XPO7: variants seen among roughly 807,000 people sequenced by gnomAD.
XPO7 encodes exportin-7.
Under a neutral mutation model 144.3 loss-of-function variants are expected in XPO7, and 21 were observed. The ratio of observed to expected loss-of-function variants is 0.15; its 90% CI spans 0.10 to 0.21. The LOEUF is 0.21. Among genes scored for constraint, XPO7 ranks in the 10% least tolerant of loss-of-function variants. The pLI, the probability that XPO7 is intolerant of heterozygous loss-of-function variation, is 1.00. For missense variants in XPO7, 808 were observed against 1,325.8 expected (o/e 0.61, Z 6.06); for synonymous variants, 580 against 499.6 (o/e 1.16, Z -2.15).
intron 1 of XPO7, among the ~76,000 whole-genome samples, chr8:21,945,433 A>T (rs1379465729): frequency 6.6e-6 from 1 of 152,244 alleles, no homozygotes. Context: ...GACAAGATAA[A>T]ATTTTATACA....
chr8:22,005,541 C>T lies in XPO7; in HGVS notation c.*453C>T, dbSNP rs1585490944. On this transcript the variant is annotated 3_prime_UTR_variant, in exon 28 of 28. Transcript: ENST00000252512. Reference sequence around the variant, plus strand: ...ATGCTGATGTGAGGGGTTGTGTATGCGAGTGAAGAAAATGTGTATTCTGGT... The same window carrying T: ...ATGCTGATGTGAGGGGTTGTGTATGTGAGTGAAGAAAATGTGTATTCTGGT... The T allele has an allele frequency of 6.5e-6, 1 of 152,864 alleles. No homozygotes were observed. Among genetic ancestry groups the T allele is most frequent in the Non-Finnish European group, 1.5e-5 (1 of 68,254 alleles). The allele number at this position is 152,864 out of a possible 1,614,324, so 9.5% of individuals were successfully genotyped here. A position where few individuals can be genotyped will look rare whatever the true frequency, so the allele number is the denominator to read the frequency against.
chr8:21,920,696 A>G (rs1810251667), intron 1 of XPO7, among the ~76,000 whole-genome samples: 1 of 152,188 alleles, frequency 6.6e-6, no homozygotes, highest in Non-Finnish European at 1.5e-5. Context: ...CAAACTAGAT[A>G]AAGTTTTTCC....
At chr8:21,994,333 A>G (rs764684523) in intron 19 of XPO7, 30 bp from the exon 20 acceptor site, 1 of 1,579,216 alleles carries the variant, frequency 6.3e-7, no homozygotes, top group Non-Finnish European at 8.7e-7. Flanking sequence ...CTTTTCTTCT[A>G]TTTTAACACA....
intron 1 of XPO7, among the ~76,000 whole-genome samples, chr8:21,948,028 A>C (rs187664027): frequency 3.3e-5 from 5 of 152,370 alleles, no homozygotes; most frequent in Non-Finnish European, 5.9e-5. Flanking sequence ...GAGGATTCTC[A>C]TTGAAGAGTA....
intron 18 of XPO7, among the ~76,000 whole-genome samples, chr8:21,991,274 C>T (rs1393851815): frequency 2.6e-5 from 4 of 152,194 alleles, no homozygotes. Flanking sequence ...CAGTCAACAC[C>T]ACTTTTTATT....
At chr8:21,921,192 C>T (rs1810271716) in intron 1 of XPO7, among the ~76,000 whole-genome samples, 2 of 152,128 alleles carry the variant, frequency 1.3e-5, no homozygotes, top group Admixed American at 1.3e-4. Context: ...TTATAGCAGT[C>T]ATTTCTAAGA....
intron 19 of XPO7, among the ~76,000 whole-genome samples, chr8:21,992,458 G>A (rs959225855): frequency 6.6e-6 from 1 of 152,124 alleles, no homozygotes; most frequent in African/African-American, 2.4e-5. Context: ...TCATTATTCA[G>A]TTTTTTGTGA....
intron 1 of XPO7, among the ~76,000 whole-genome samples, chr8:21,926,002 CTTAG>C (rs1420337586): frequency 1.3e-5 from 2 of 152,218 alleles, no homozygotes; most frequent in African/African-American, 4.8e-5. Context: ...AAAGAGGTCT[CTTAG>C]TTGGACAATA....
intron 9 of XPO7, among the ~76,000 whole-genome samples, chr8:21,981,080 C>T (rs1236727460): frequency 6.6e-6 from 1 of 152,156 alleles, no homozygotes; most frequent in East Asian, 1.9e-4. Flanking sequence ...TGAATACCTA[C>T]TCTGTGCCAG....
At position 21,932,750 on chromosome 8, in the gene XPO7, C is replaced by T. The variant is rs187351663; in HGVS notation, c.18+12962C>T. The stretch of plus-strand genomic sequence containing the variant: ...GACAATTGGACCACAGGTCAGTAGG[C>T]CAGGGGGGATGCTAAATGTTAATAT... On this transcript the variant is annotated intron_variant, in intron 1 of 27. Transcript: ENST00000252512. Among the ~76,000 whole-genome samples the T allele has an allele frequency of 2.6e-4, 39 of 152,190 alleles. No homozygotes were observed. In the East Asian group the frequency reaches 6.9e-3, roughly 27 times the overall value.
At chr8:22,000,625 T>C (rs1225247993) in intron 24 of XPO7, among the ~76,000 whole-genome samples, 2 of 151,950 alleles carry the variant, frequency 1.3e-5, no homozygotes, top group Non-Finnish European at 2.9e-5. Context: ...GCTAATTTTT[T>C]TGTATTTTTA....
At chr8:21,924,839 A>G (rs763339904) in intron 1 of XPO7, among the ~76,000 whole-genome samples, 2 of 152,248 alleles carry the variant, frequency 1.3e-5, no homozygotes, top group Non-Finnish European at 2.9e-5. Context: ...GGAGAGTTAC[A>G]TGCAAGCTGA....
chr8:21,982,955 C>A, intron 11 of XPO7, 143 bp downstream of exon 11: 1 of 1,050,690 alleles, frequency 9.5e-7, no homozygotes, highest in Non-Finnish European at 1.3e-6. Context: ...TCCTTGTCAG[C>A]AGAGTAGCAT....
In XPO7 at chr8:21,998,267, C is replaced by T. The variant is rs576944733; in HGVS notation, c.2346-488C>T. ...CCATCCTGGCTAACATGGTGAAATC[C>T]CATCTCCACTAAAAATACAAAAAAT... is the stretch of plus-strand genomic sequence containing the variant. On this transcript the variant is annotated intron_variant, in intron 21 of 27. Coordinates refer to ENST00000252512, the MANE Select transcript of XPO7 (RefSeq NM_015024.5). 3.1e-4 allele frequency among the ~76,000 whole-genome samples: 47 copies of T among 152,206 alleles called. No individual in the cohort carries two copies. The South Asian group carries it at 5.8e-3, about 19-fold the overall frequency.
intron 1 of XPO7, among the ~76,000 whole-genome samples, chr8:21,954,027 A>T (rs1374077998): frequency 6.6e-6 from 1 of 152,230 alleles, no homozygotes; most frequent in Non-Finnish European, 1.5e-5. Flanking sequence ...AACTAGTAAC[A>T]TATAGAAAGA....
chr8:21,919,682 ACGGCGTCGGCGGCGG>A lies in XPO7; in HGVS notation c.-83_-69del, dbSNP rs953031614. ...TCCCCAGCGCGCAGGCGCAGCGGCG[ACGGCGTCGGCGGCGG>A]CGGCGGCAGCGGCTCCGGCCGAGGT... On this transcript the variant is annotated 5_prime_UTR_variant, in exon 1 of 28. Coordinates refer to ENST00000252512, the MANE Select transcript of XPO7 (RefSeq NM_015024.5). The A allele has an allele frequency of 2.2e-5, 4 of 182,716 alleles. No individual in the cohort carries two copies. The highest frequency in any genetic ancestry group is 9.6e-5 in the African/African-American group (4 of 41,562). The allele number at this position is 182,716 out of a possible 1,614,324, so 11.3% of individuals were successfully genotyped here. A position where few individuals can be genotyped will look rare whatever the true frequency, so the allele number is the denominator to read the frequency against.
chr8:21,931,378 G>A (rs1810644398), intron 1 of XPO7, among the ~76,000 whole-genome samples: 1 of 151,984 alleles, frequency 6.6e-6, no homozygotes, highest in East Asian at 1.9e-4. Flanking sequence ...GGTCAGGCTG[G>A]TCTCGAACTC....
At chr8:21,981,310 A>G (rs1163141747) in intron 9 of XPO7, among the ~76,000 whole-genome samples, 1 of 152,228 alleles carries the variant, frequency 6.6e-6, no homozygotes, top group Admixed American at 6.5e-5. Context: ...GTTGTGCTGA[A>G]TGATCAGTTT....
chr8:21,994,298 CCT>C (rs1189209362), intron 19 of XPO7, 63 bp from the exon 20 acceptor site: 7 of 1,215,198 alleles, frequency 5.8e-6, no homozygotes, highest in Non-Finnish European at 8.4e-6. Flanking sequence ...TGTGTGGAAT[CCT>C]CATCAGATTG....
Sources: gnomAD v4.1 joint callset for allele counts (sites outside exome capture counted in the v4.1 genomes callset) on GRCh38, gnomAD v4.1.1 for gene constraint, MANE v1.5 for transcripts, NCBI Gene and HGNC (gene_info 2026-07-23, HGNC 2026-07-21) for gene names.